Variants in CNTN4 observed in about 807,000 individuals in gnomAD.
The protein encoded by CNTN4 is contactin 4.
In CNTN4, 77 loss-of-function variants were observed where a neutral mutation model predicts 122.5. The observed-to-expected ratio is 0.63, with a 90% CI of 0.52 to 0.76. The LOEUF is 0.76. Among genes scored for constraint, CNTN4 ranks in the 30% least tolerant of loss-of-function variants. The probability of loss-of-function intolerance (pLI) is 0.00; values close to 1 mark genes in which losing one functional copy is unlikely to be tolerated. For missense variants in CNTN4, 1,256 were observed against 1,259.1 expected, an observed-to-expected ratio of 1.00 and a Z score of 0.04; for synonymous variants, 512 against 447.0, an observed-to-expected ratio of 1.15 and a Z score of -1.83.
intron 3 of CNTN4, among the ~76,000 whole-genome samples, chr3:2,355,673 A>G (rs894588918): frequency 6.6e-6 from 1 of 152,100 alleles, no homozygotes; most frequent in Non-Finnish European, 1.5e-5. Flanking sequence ...GTATGTATTC[A>G]GTCGATACTG....
chr3:2,196,034 GAAAT>G (rs774944247), intron 2 of CNTN4, among the ~76,000 whole-genome samples: 1 of 152,076 alleles, frequency 6.6e-6, no homozygotes, highest in African/African-American at 2.4e-5. Flanking sequence ...AGATGATATA[GAAAT>G]AAATAAACTT....
chr3:2,238,160 T>C (rs558454630), intron 2 of CNTN4, among the ~76,000 whole-genome samples: 1 of 152,242 alleles, frequency 6.6e-6, no homozygotes, highest in African/African-American at 2.4e-5. Flanking sequence ...ATAACGTATT[T>C]TGGGATATGT....
chr3:2,525,637 C>G (rs925433935), intron 3 of CNTN4, among the ~76,000 whole-genome samples: 2 of 152,064 alleles, frequency 1.3e-5, no homozygotes, highest in Admixed American at 1.3e-4. Flanking sequence ...CTACAGTTTT[C>G]TTTCATTTGA....
At chr3:2,503,569 GAAGTT>G (rs1192077501) in intron 3 of CNTN4, among the ~76,000 whole-genome samples, 2 of 152,072 alleles carry the variant, frequency 1.3e-5, no homozygotes, top group Non-Finnish European at 2.9e-5. Context: ...TGGGCATAGA[GAAGTT>G]AAGTAACTTG....
chr3:2,667,089 C>T (rs1315855639), intron 4 of CNTN4, among the ~76,000 whole-genome samples: 1 of 152,070 alleles, frequency 6.6e-6, no homozygotes, highest in East Asian at 1.9e-4. Context: ...GGTTTATAAT[C>T]CTTGGGGTAT....
chr3:2,434,722 A>G (rs2048197961), intron 3 of CNTN4, among the ~76,000 whole-genome samples: 1 of 152,080 alleles, frequency 6.6e-6, no homozygotes, highest in East Asian at 1.9e-4. Flanking sequence ...CTATGACTAC[A>G]ATTTTTTTCC....
intron 12 of CNTN4, among the ~76,000 whole-genome samples, chr3:2,915,141 C>T (rs1257060411): frequency 6.6e-6 from 1 of 152,220 alleles, no homozygotes; most frequent in African/African-American, 2.4e-5. Flanking sequence ...TCTTGGCTCA[C>T]TGCAACCTCC....
chr3:2,431,021 A>G (rs941948794), intron 3 of CNTN4, among the ~76,000 whole-genome samples: 7 of 152,216 alleles, frequency 4.6e-5, no homozygotes, highest in Admixed American at 2.6e-4. Context: ...GTACACTTCA[A>G]GAAAAAAAAA....
At chr3:2,881,665 T>G (rs111391822) in intron 8 of CNTN4, among the ~76,000 whole-genome samples, 1,138 of 17,942 alleles carry the variant, frequency 0.063, 28 homozygotes, top group South Asian at 0.096. Context: ...AAATCATTTC[T>G]CTTTGTGATT....
At chr3:2,499,145 G>T (rs1316383026) in intron 3 of CNTN4, among the ~76,000 whole-genome samples, 2 of 152,132 alleles carry the variant, frequency 1.3e-5, no homozygotes, top group Non-Finnish European at 2.9e-5. Context: ...AGATCTTGAA[G>T]ATTTTCTCTT....
At chr3:2,992,282 A>G (rs1168009762) in intron 14 of CNTN4, among the ~76,000 whole-genome samples, 1 of 152,100 alleles carries the variant, frequency 6.6e-6, no homozygotes. Flanking sequence ...TGAATTCCTA[A>G]ATTTTACTGG....
At chr3:2,906,557 G>C (rs1379916057) in intron 12 of CNTN4, among the ~76,000 whole-genome samples, 1 of 152,070 alleles carries the variant, frequency 6.6e-6, no homozygotes, top group Non-Finnish European at 1.5e-5. Flanking sequence ...AAAGATGGTG[G>C]CCGGGCACGG....
At position 2,861,341 on chromosome 3, in the gene CNTN4, A is replaced by G. The variant is rs573875151; in HGVS notation, c.455-5411A>G. On this transcript the variant is annotated intron_variant, in intron 7 of 24. Coordinates refer to ENST00000418658, the MANE Select transcript of CNTN4 (RefSeq NM_175607.3). ...TAACTGCTCTCCAGCACACCTCTCC[A>G]TCTCAGCACTGAGCTCAGTGCTTTT... Among the ~76,000 whole-genome samples, 3 of 152,200 alleles carry G rather than the reference A, an allele frequency of 2.0e-5. No individual in the cohort carries two copies. The East Asian group carries it at 5.8e-4, about 29-fold the overall frequency.
chr3:2,377,742 T>C (rs1489884200), intron 3 of CNTN4, among the ~76,000 whole-genome samples: 5 of 151,308 alleles, frequency 3.3e-5, no homozygotes, highest in African/African-American at 1.2e-4. Context: ...TATAAATTTG[T>C]AAACTTTCTT....
chr3:2,611,004 T>A (rs1307725523), intron 4 of CNTN4, among the ~76,000 whole-genome samples: 5 of 152,122 alleles, frequency 3.3e-5, no homozygotes, highest in African/African-American at 1.2e-4. Context: ...AACGATACGA[T>A]ACATCTTATA....
chr3:2,946,789 C>A (rs553176712), intron 13 of CNTN4, among the ~76,000 whole-genome samples: 4 of 145,780 alleles, frequency 2.7e-5, no homozygotes, highest in African/African-American at 1.0e-4. Context: ...CTGCAATAAT[C>A]CCAGACTTCT....
intron 4 of CNTN4, among the ~76,000 whole-genome samples, chr3:2,695,330 C>G (rs2085966918): frequency 1.3e-5 from 2 of 152,206 alleles, no homozygotes; most frequent in Non-Finnish European, 2.9e-5. Flanking sequence ...AGCCCTATTT[C>G]TGTCACTGGA....
chr3:2,163,108 C>T (rs781303418), intron 2 of CNTN4, among the ~76,000 whole-genome samples: 5 of 152,156 alleles, frequency 3.3e-5, no homozygotes, highest in Admixed American at 6.5e-5. Flanking sequence ...AATTATACTA[C>T]AAGGCTATAG....
Position 3,053,807 on chromosome 3 carries a change from G to T in CNTN4, c.2812G>T (p.Val938Phe). The change falls in exon 24 of 25, where the codon GTC (valine) becomes TTC (phenylalanine). Residue 938 changes from valine (V) to phenylalanine (F), a missense_variant and splice_region_variant. Transcript: ENST00000418658. The stretch of plus-strand genomic sequence containing the variant: ...ACACCTGTTCTTTCTGTATTGGCAG[G>T]TCTTGTACAGATGGAACAGACAAAG... The part of the protein sequence containing the change: ...DNESEVKGYK[V>F]LYRWNRQSST... 1 of 1,614,104 alleles carries T rather than the reference G, an allele frequency of 6.2e-7. No homozygotes were observed.
Sources: allele counts gnomAD v4.1 joint callset (sites outside exome capture counted in the v4.1 genomes callset), GRCh38; gene constraint gnomAD v4.1.1; transcripts MANE v1.5; gene names NCBI Gene and HGNC (gene_info 2026-07-23, HGNC 2026-07-21).